Variants in UBE2V1 observed in about 807,000 individuals in gnomAD.
The protein encoded by UBE2V1 is ubiquitin conjugating enzyme E2 V1, also known as ubiquitin-conjugating enzyme E2 variant 1.
Under a neutral mutation model 19.6 loss-of-function variants are expected in UBE2V1, and 15 were observed. The ratio of observed to expected loss-of-function variants is 0.77; its 90% CI spans 0.51 to 1.18. The LOEUF (loss-of-function observed/expected upper bound fraction) is 1.18, where lower values mean the gene tolerates loss of function less well. Ranked by LOEUF, UBE2V1 falls within the 50% of genes most tolerant of loss-of-function variation. UBE2V1 has a pLI of 0.00. For missense variants in UBE2V1, 125 were observed against 184.8 expected, an observed-to-expected ratio of 0.68 and a Z score of 1.88; for synonymous variants, 60 against 60.7, an observed-to-expected ratio of 0.99 and a Z score of 0.05.
intron 3 of UBE2V1, chr20:50,083,869 A>C (rs1725917815): frequency 3.5e-6 from 1 of 284,828 alleles, no homozygotes; most frequent in African/African-American, 2.2e-5. Flanking sequence ...TCTCTACCTC[A>C]CTGGGGTGGC....
At chr20:50,096,576 T>C (rs2079639563) in intron 2 of UBE2V1, 96 bp downstream of exon 2, 1 of 1,605,970 alleles carries the variant, frequency 6.2e-7, no homozygotes, top group Non-Finnish European at 8.5e-7. Context: ...AATATACCAT[T>C]GGTGAGCTTT....
At chr20:50,107,135 A>G (rs1250926840) in intron 1 of UBE2V1, among the ~76,000 whole-genome samples, 1 of 152,188 alleles carries the variant, frequency 6.6e-6, no homozygotes, top group African/African-American at 2.4e-5. Context: ...CTGTCTAGTT[A>G]GCCTGCCCAG....
At chr20:50,088,100 T>TAAAAAAAAAA (rs11302479) in intron 2 of UBE2V1, among the ~76,000 whole-genome samples, 1 of 109,160 alleles carries the variant, frequency 9.2e-6, no homozygotes. Context: ...GTCTAATCAT[T>TAAAAAAAAAA]AAAAAAAAAA....
intron 1 of UBE2V1, chr20:50,104,275 C>A: frequency 1.1e-6 from 1 of 928,996 alleles, no homozygotes. Flanking sequence ...GGCCAGACTC[C>A]GTCTCAAAAA....
chr20:50,103,822 T>C (rs1359388049), intron 1 of UBE2V1, among the ~76,000 whole-genome samples: 2 of 151,928 alleles, frequency 1.3e-5, no homozygotes, highest in African/African-American at 4.8e-5. Flanking sequence ...CAGGCATGTG[T>C]GGTATGTTTT....
chr20:50,107,078 T>C (rs769579531), intron 1 of UBE2V1, among the ~76,000 whole-genome samples: 3 of 152,196 alleles, frequency 2.0e-5, no homozygotes, highest in Non-Finnish European at 4.4e-5. Flanking sequence ...CATAGAGCCA[T>C]AAGCAAGTAA....
intron 2 of UBE2V1, among the ~76,000 whole-genome samples, chr20:50,089,750 T>A (rs2079118042): frequency 6.6e-6 from 1 of 152,120 alleles, no homozygotes; most frequent in Admixed American, 6.6e-5. Flanking sequence ...AATAGTAAGT[T>A]TTCACTTCTC....
At chr20:50,101,068 G>A (rs1191153724) in intron 1 of UBE2V1, among the ~76,000 whole-genome samples, 1 of 152,150 alleles carries the variant, frequency 6.6e-6, no homozygotes, top group Non-Finnish European at 1.5e-5. Context: ...ACATACAACT[G>A]AACCAAAGAA....
At chr20:50,100,539 T>C (rs1217392478) in intron 1 of UBE2V1, among the ~76,000 whole-genome samples, 1 of 151,592 alleles carries the variant, frequency 6.6e-6, no homozygotes, top group Non-Finnish European at 1.5e-5. Flanking sequence ...GAGCTGAGGT[T>C]GCACCACTGC....
At chr20:50,095,341 C>G (rs1388591894) in intron 2 of UBE2V1, 1 of 152,136 alleles carries the variant, frequency 6.6e-6, no homozygotes, top group African/African-American at 2.4e-5. Context: ...AACAGGATTT[C>G]TAGATTGGGT....
chr20:50,109,610 G>A (rs546585240), intron 1 of UBE2V1, among the ~76,000 whole-genome samples: 18 of 152,118 alleles, frequency 1.2e-4, no homozygotes, highest in Admixed American at 8.5e-4. Flanking sequence ...TTAGCCAGGC[G>A]TGGTGGCGCG....
At chr20:50,084,915 A>G (rs1378334169) in intron 2 of UBE2V1, among the ~76,000 whole-genome samples, 9 of 29,610 alleles carry the variant, frequency 3.0e-4, no homozygotes, top group African/African-American at 1.0e-3. Flanking sequence ...TTTTTTTTTG[A>G]GACAGAGTTT....
intron 2 of UBE2V1, chr20:50,095,129 T>C (rs2079546120): frequency 6.6e-6 from 1 of 152,226 alleles, no homozygotes; most frequent in Non-Finnish European, 1.5e-5. Flanking sequence ...TTTTAGAACC[T>C]GTAAATCAGT....
In UBE2V1 at chr20:50,102,635, G is replaced by A. The variant is rs567472711; in HGVS notation, c.23-5815C>T. 6.2e-4 allele frequency among the ~76,000 whole-genome samples: 94 copies of A among 152,168 alleles called. 3 individuals are homozygous for A. In the South Asian group the frequency reaches 0.019, roughly 30 times the overall value. On this transcript the variant is annotated intron_variant, in intron 1 of 3. Coordinates refer to ENST00000371674, the MANE Select transcript of UBE2V1 (RefSeq NM_001032288.3). The stretch of plus-strand genomic sequence containing the variant: ...TCGAACTCCCGACCTCAGGTGATCC[G>A]CTGGCCTCAGCTTCCCAAAGTGCTG...
chr20:50,086,949 C>T lies in UBE2V1; in HGVS notation c.172-2695G>A, dbSNP rs376283590. On this transcript the variant is annotated intron_variant, in intron 2 of 3. Coordinates refer to ENST00000371674, the MANE Select transcript of UBE2V1 (RefSeq NM_001032288.3). ...AACATTAGCCGGGTGTGGTTGTGGG[C>T]GCCTATAGTCCCAGCTACTTGTGAG... is the stretch of plus-strand genomic sequence containing the variant. Among the ~76,000 whole-genome samples, 38 of 152,164 alleles carry T rather than the reference C, an allele frequency of 2.5e-4. No individual in the cohort carries two copies. In the East Asian group the frequency reaches 3.3e-3, roughly 13 times the overall value.
chr20:50,099,491 A>G (rs1353440893), intron 1 of UBE2V1, among the ~76,000 whole-genome samples: 1 of 152,190 alleles, frequency 6.6e-6, no homozygotes, highest in African/African-American at 2.4e-5. Flanking sequence ...ATTATGGATG[A>G]TTCCCCCTAC....
chr20:50,106,874 C>CAACAACAACAACA (rs530425666), intron 1 of UBE2V1, among the ~76,000 whole-genome samples: 2 of 124,672 alleles, frequency 1.6e-5, no homozygotes, highest in African/African-American at 6.3e-5. Context: ...ACAACAACAA[C>CAACAACAACAACA]AAAAAAAAAA....
intron 2 of UBE2V1, chr20:50,096,120 A>C (rs1170142530): frequency 6.5e-6 from 1 of 153,246 alleles, no homozygotes; most frequent in East Asian, 1.9e-4. Flanking sequence ...GAAGGTCTGA[A>C]AGAGGCCACT....
At chr20:50,103,789 T>G (rs1017366988) in intron 1 of UBE2V1, among the ~76,000 whole-genome samples, 3 of 152,068 alleles carry the variant, frequency 2.0e-5, no homozygotes, top group African/African-American at 7.2e-5. Context: ...CCGGTCCCGG[T>G]CCCAAACACC....
Sources: allele counts gnomAD v4.1 joint callset (sites outside exome capture counted in the v4.1 genomes callset), GRCh38; gene constraint gnomAD v4.1.1; transcripts MANE v1.5; gene names NCBI Gene and HGNC (gene_info 2026-07-23, HGNC 2026-07-21).